Variants in PCDHGA1 observed in about 807,000 individuals in gnomAD.
The protein encoded by PCDHGA1 is protocadherin gamma subfamily A, 1, also known as protocadherin gamma-A1.
In PCDHGA1, 32 loss-of-function variants were observed where a neutral mutation model predicts 58.0. The ratio of observed to expected loss-of-function variants is 0.55; its 90% confidence interval spans 0.42 to 0.74. PCDHGA1 has a LOEUF of 0.74. Among genes scored for constraint, PCDHGA1 ranks in the 30% least tolerant of loss-of-function variants. PCDHGA1 has a pLI of 0.00. For missense variants in PCDHGA1, 1,205 were observed against 1,182.3 expected (o/e 1.02, Z -0.28); for synonymous variants, 498 against 501.1 (o/e 0.99, Z 0.08).
chr5:141,494,914 A>G (rs906245656), intron 2 of PCDHGA1, 49 bp downstream of exon 2: 5 of 1,613,708 alleles, frequency 3.1e-6, no homozygotes, highest in Admixed American at 1.7e-5. Context: ...GCATTTTCTC[A>G]GGGATGACGT....
chr5:141,343,199 C>T, intron 1 of PCDHGA1: 2 of 633,532 alleles, frequency 3.2e-6, no homozygotes, highest in Non-Finnish European at 2.0e-6. Context: ...TTGTCTGATG[C>T]CTAATTATGT....
rs765047622 is a variant in PCDHGA1 at position 141,486,776 on chromosome 5, G to A, written c.2422-8031G>A. On this transcript the variant is annotated intron_variant, in intron 1 of 3. Coordinates refer to ENST00000517417, the MANE Select transcript of PCDHGA1 (RefSeq NM_018912.3). This position sits in a 1 kb window ranked among gnomAD's most constrained non-coding sequence, Gnocchi z 5.0. ...GCAAACCCAGACACTGCAGTTTGAGGTGCAGGCCCGGGATCGGGGCAACCC... is the reference window on the plus strand; with the variant it reads ...GCAAACCCAGACACTGCAGTTTGAGATGCAGGCCCGGGATCGGGGCAACCC... 1.2e-6 allele frequency: 2 copies of A among 1,614,254 alleles called. No individual in the cohort carries two copies. Among genetic ancestry groups the A allele is most frequent in the Non-Finnish European group, 1.7e-6 (2 of 1,180,050 alleles).
chr5:141,494,897 C>T (rs1194879883), intron 2 of PCDHGA1, 32 bp downstream of exon 2: 2 of 1,614,122 alleles, frequency 1.2e-6, no homozygotes, highest in South Asian at 2.2e-5. Flanking sequence ...CCACCCTCTT[C>T]TCTGCGGCAT....
intron 3 of PCDHGA1, among the ~76,000 whole-genome samples, chr5:141,505,926 G>A (rs114056147): frequency 0.012 from 1,893 of 152,254 alleles, 12 homozygotes; most frequent in Middle Eastern, 0.034. Context: ...TGGGCCTGGC[G>A]CTTGGAAGCC....
intron 1 of PCDHGA1, chr5:141,365,106 C>G: frequency 1.2e-6 from 2 of 1,613,862 alleles, no homozygotes; most frequent in Non-Finnish European, 1.7e-6. Flanking sequence ...CCTGTGGGCA[C>G]TCGGCTGCTC....
chr5:141,415,161 C>T (rs1391561235), intron 1 of PCDHGA1: 1 of 1,613,864 alleles, frequency 6.2e-7, no homozygotes, highest in Admixed American at 1.7e-5. Context: ...CCGCCACTGT[C>T]ACGCTCACCG....
At chr5:141,380,262 A>G (rs1183031008) in intron 1 of PCDHGA1, among the ~76,000 whole-genome samples, 3 of 152,232 alleles carry the variant, frequency 2.0e-5, no homozygotes, top group African/African-American at 7.2e-5. Flanking sequence ...GGGAAGGAGT[A>G]AAATCTCAGA....
At chr5:141,435,214 A>C (rs1314928643) in intron 1 of PCDHGA1, among the ~76,000 whole-genome samples, 1 of 152,176 alleles carries the variant, frequency 6.6e-6, no homozygotes, top group Non-Finnish European at 1.5e-5. Flanking sequence ...AAGTGAATTT[A>C]CTTTCTTTCA....
In PCDHGA1 at chr5:141,481,621, C is replaced by T. The variant is rs533294863; in HGVS notation, c.2422-13186C>T. Among the ~76,000 whole-genome samples the T allele has an allele frequency of 3.9e-5, 6 of 152,198 alleles. 1 individual carries two copies. Among genetic ancestry groups the T allele is most frequent in the East Asian group, 3.9e-4 (2 of 5,172 alleles). Reference sequence around the variant, plus strand: ...TCACCTGAGGCCAGGAGTTCAAGACCGGCCTGGCCAACATGGTGAAACTTC... The same window carrying T: ...TCACCTGAGGCCAGGAGTTCAAGACTGGCCTGGCCAACATGGTGAAACTTC... On this transcript the variant is annotated intron_variant, in intron 1 of 3. Transcript: ENST00000517417.
At position 141,486,190 on chromosome 5, in the gene PCDHGA1, T is replaced by A; in HGVS notation, c.2422-8617T>A. Reference sequence around the variant, plus strand: ...AGCAACATTGCAGCCTTCGAGTGGATCTGCTGGACGTAAATGACAATGCCC... The same window carrying A: ...AGCAACATTGCAGCCTTCGAGTGGAACTGCTGGACGTAAATGACAATGCCC... On this transcript the variant is annotated intron_variant, in intron 1 of 3. Transcript: ENST00000517417. The surrounding 1 kb of genome is among the most constrained non-coding windows in gnomAD (Gnocchi z 5.0). 1 of 1,614,122 alleles carries A rather than the reference T, an allele frequency of 6.2e-7. No individual in the cohort carries two copies. Among genetic ancestry groups the A allele is most frequent in the South Asian group, 1.1e-5 (1 of 91,070 alleles).
At chr5:141,339,780 A>T (rs1467212186) in intron 1 of PCDHGA1, 1 of 1,614,110 alleles carries the variant, frequency 6.2e-7, no homozygotes, top group Admixed American at 1.7e-5. Flanking sequence ...ACTGACGCAG[A>T]TGAGGGCTAC....
Position 141,486,151 on chromosome 5 carries a change from T to C in PCDHGA1, c.2422-8656T>C, listed in dbSNP as rs570065848. The C allele has an allele frequency of 2.7e-5, 44 of 1,613,914 alleles. No individual in the cohort carries two copies. In the South Asian group the frequency reaches 4.3e-4, roughly 16 times the overall value. ...TTGATGTGCGGGCTCGCGATGGGGGTTCTCCAGCCATGGAGCAACATTGCA... is the reference window on the plus strand; with the variant it reads ...TTGATGTGCGGGCTCGCGATGGGGGCTCTCCAGCCATGGAGCAACATTGCA... On this transcript the variant is annotated intron_variant, in intron 1 of 3. Transcript: ENST00000517417. The surrounding 1 kb of genome is among the most constrained non-coding windows in gnomAD (Gnocchi z 5.0).
At chr5:141,370,393 G>T (rs1277471352) in intron 1 of PCDHGA1, 14 of 1,547,032 alleles carry the variant, frequency 9.0e-6, no homozygotes, top group Non-Finnish European at 1.2e-5. Context: ...GCAGAGAGCG[G>T]GATGGGAAAT....
At position 141,366,626 on chromosome 5, in the gene PCDHGA1, A is replaced by G. The variant is rs762991853; in HGVS notation, c.2421+33521A>G. ...CTCCCTCACCGCGGACTCGAGGAAG[A>G]GTCACCTGATCTTTCCCCAGCCCAA... On this transcript the variant is annotated intron_variant, in intron 1 of 3. Coordinates refer to ENST00000517417, the MANE Select transcript of PCDHGA1 (RefSeq NM_018912.3). 9 of 1,614,244 alleles carry G rather than the reference A, an allele frequency of 5.6e-6. No individual in the cohort carries two copies. The South Asian group carries it at 9.9e-5, about 18-fold the overall frequency.
intron 1 of PCDHGA1, chr5:141,339,795 C>T: frequency 6.2e-7 from 1 of 1,614,212 alleles, no homozygotes; most frequent in Non-Finnish European, 8.5e-7. Context: ...GGCTACTACG[C>T]TCAAGTGGTA....
chr5:141,362,471 A>T (rs1762524993), intron 1 of PCDHGA1: 6 of 1,614,018 alleles, frequency 3.7e-6, no homozygotes, highest in Non-Finnish European at 5.1e-6. Context: ...CCCGCGCAAG[A>T]TCTCGTCTGT....
chr5:141,365,547 C>A, intron 1 of PCDHGA1: 1 of 1,613,738 alleles, frequency 6.2e-7, no homozygotes, highest in Non-Finnish European at 8.5e-7. Flanking sequence ...CACCTATTAA[C>A]AACTAGGGAC....
chr5:141,454,893 C>T (rs1414320972), intron 1 of PCDHGA1, among the ~76,000 whole-genome samples: 7 of 146,892 alleles, frequency 4.8e-5, no homozygotes, highest in Admixed American at 1.4e-4. Flanking sequence ...CTGCTAGCAC[C>T]GCCTCCCGGG....
intron 1 of PCDHGA1, chr5:141,364,195 A>G: frequency 9.3e-7 from 1 of 1,073,724 alleles, no homozygotes; most frequent in East Asian, 2.8e-5. Context: ...CTAAACACAC[A>G]GACCAGACAA....
Sources: allele counts gnomAD v4.1 joint callset (sites outside exome capture counted in the v4.1 genomes callset), GRCh38; gene constraint gnomAD v4.1.1; non-coding constraint Gnocchi (gnomAD v3.1); transcripts MANE v1.5; gene names NCBI Gene and HGNC (gene_info 2026-07-23, HGNC 2026-07-21).